KMT2E: variants seen among roughly 807,000 people sequenced by gnomAD.
KMT2E encodes the protein lysine methyltransferase 2E (inactive).
KMT2E carries 30 observed loss-of-function variants against 184.6 expected under a neutral mutation model. That is an observed-to-expected ratio of 0.16 (90% CI 0.12 to 0.22). The LOEUF (loss-of-function observed/expected upper bound fraction) is 0.22. Among genes scored for constraint, KMT2E ranks in the 10% least tolerant of loss-of-function variants. The pLI, the probability that KMT2E is intolerant of heterozygous loss-of-function variation, is 1.00. For missense variants in KMT2E, 2,023 were observed against 2,237.4 expected (o/e 0.90, Z 1.93); for synonymous variants, 815 against 776.5 (o/e 1.05, Z -0.82).
At chr7:105,016,293 A>T (rs1312280099) in intron 1 of KMT2E, among the ~76,000 whole-genome samples, 1 of 152,154 alleles carries the variant, frequency 6.6e-6, no homozygotes, top group African/African-American at 2.4e-5. Context: ...TTCCTTAAGA[A>T]TTTTCAAAGT....
intron 7 of KMT2E, 49 bp from the exon 8 acceptor site, chr7:105,074,594 G>A: frequency 6.1e-6 from 8 of 1,302,448 alleles, no homozygotes; most frequent in Non-Finnish European, 7.2e-6. Flanking sequence ...TTATTTCATT[G>A]TTTAAAATAG....
chr7:105,066,613 G>A (rs552227656), intron 5 of KMT2E, 114 bp from the exon 6 acceptor site: 97 of 730,146 alleles, frequency 1.3e-4, no homozygotes, highest in Admixed American at 4.4e-4. Flanking sequence ...GTACCTTTTA[G>A]GAGTACTAAG....
chr7:105,067,540 T>G (rs1025475725), intron 6 of KMT2E, among the ~76,000 whole-genome samples: 1 of 152,334 alleles, frequency 6.6e-6, no homozygotes, highest in East Asian at 1.9e-4. Flanking sequence ...TATACTGCCA[T>G]GTGTTTCTTC....
chr7:105,097,917 G>C (rs949995260), intron 15 of KMT2E, among the ~76,000 whole-genome samples: 2 of 152,158 alleles, frequency 1.3e-5, no homozygotes, highest in African/African-American at 4.8e-5. Context: ...AAAGGTCACT[G>C]CTCTGGAAAA....
chr7:105,062,700 C>T (rs1796868416), intron 4 of KMT2E, among the ~76,000 whole-genome samples: 1 of 151,594 alleles, frequency 6.6e-6, no homozygotes, highest in Non-Finnish European at 1.5e-5. Flanking sequence ...ATTATTTAAT[C>T]ATTAAAAACA....
In KMT2E at chr7:105,019,161, A is replaced by T. The variant is rs117010949; in HGVS notation, c.-189+4626A>T. On this transcript the variant is annotated intron_variant, in intron 1 of 26. Transcript: ENST00000311117. ...AATCAAATGAAGGTGACCCAGAGTA[A>T]GTTAATTAGATTTTAATTCATATCT... 3.0e-4 allele frequency among the ~76,000 whole-genome samples: 46 copies of T among 152,300 alleles called. No individual in the cohort carries two copies. The East Asian group carries it at 7.9e-3, about 26-fold the overall frequency.
intron 15 of KMT2E, among the ~76,000 whole-genome samples, chr7:105,101,194 A>G (rs1299240537): frequency 6.6e-6 from 1 of 152,136 alleles, no homozygotes; most frequent in Non-Finnish European, 1.5e-5. Context: ...TCAGTCATCC[A>G]AGTGTTTCCT....
Position 105,076,044 on chromosome 7 carries a change from C to G in KMT2E, c.731C>G (p.Ala244Gly). Residue 244 changes from alanine to glycine, a missense_variant and splice_region_variant, in exon 9 of 27, where the codon GCA becomes GGA. Ala to Gly is a moderately conservative substitution (Grantham distance 60). Coordinates refer to ENST00000311117, the MANE Select transcript of KMT2E (RefSeq NM_182931.3). ...KEQHISKCKK[A>G]FREGSRKSSR... ...ACTAGAATTCCATGTTTATTTTAGGCATTTCGTGAAGGATCTAGGAAGTCA... is the reference window on the plus strand; with the variant it reads ...ACTAGAATTCCATGTTTATTTTAGGGATTTCGTGAAGGATCTAGGAAGTCA... The G allele has an allele frequency of 1.3e-6, 2 of 1,594,354 alleles. No individual in the cohort carries two copies. Among genetic ancestry groups the G allele is most frequent in the Non-Finnish European group, 1.7e-6 (2 of 1,162,936 alleles).
At position 105,101,941 on chromosome 7, in the gene KMT2E, C is replaced by A. The variant is rs1365103412; in HGVS notation, c.1943C>A (p.Thr648Asn). The A allele has an allele frequency of 1.5e-5, 25 of 1,613,584 alleles. No individual in the cohort carries two copies. The highest frequency in any genetic ancestry group is 2.1e-5 in the Non-Finnish European group (25 of 1,179,830). The change falls in exon 17 of 27, where the codon ACT becomes AAT. Residue 648 changes from threonine to asparagine, a missense_variant. Around this residue, in one of 8 missense-constraint regions of KMT2E, gnomAD observed 514 missense variants for 621.8 expected, o/e 0.83. Coordinates refer to ENST00000311117, the MANE Select transcript of KMT2E (RefSeq NM_182931.3). ...SKPTPAKVNR[T>N]KQRKSFSRSR... ...CCAACCCCTGCCAAAGTAAATAGAACTAAACAGAGAAAAAGTTTTTCTCGG... is the reference window on the plus strand; with the variant it reads ...CCAACCCCTGCCAAAGTAAATAGAAATAAACAGAGAAAAAGTTTTTCTCGG...
At chr7:105,095,654 C>G (rs901615389) in intron 15 of KMT2E, among the ~76,000 whole-genome samples, 3 of 152,020 alleles carry the variant, frequency 2.0e-5, no homozygotes, top group Non-Finnish European at 2.9e-5. Context: ...CTTAAGAAGT[C>G]GTTACCTGCT....
rs1013337142 is a variant in KMT2E, at chr7:105,081,795, T to C, written c.1356T>C (p.Asn452=). 1 of 1,325,234 alleles carries C rather than the reference T, an allele frequency of 7.5e-7. No individual in the cohort carries two copies. The highest frequency in any genetic ancestry group is 1.1e-6 in the Non-Finnish European group (1 of 931,638). 82.1% of individuals were successfully genotyped at this position (1,325,234 alleles called of 1,614,324 possible). A position where few individuals can be genotyped will look rare whatever the true frequency, so the allele number is the denominator to read the frequency against. The part of the protein sequence containing the change: ...ITIAFDFDYG[N]CKYKVDCACL... ...TTGCCTTTGATTTTGACTATGGAAA[T>C]TGGTGAGTTCAAGTCTATAAATGTA... is the stretch of plus-strand genomic sequence containing the variant. Residue 452 remains asparagine, a splice_region_variant and synonymous_variant, in exon 13 of 27, where the codon AAT becomes AAC. Transcript: ENST00000311117.
At chr7:105,111,386 T>C (rs998205097) in intron 26 of KMT2E, among the ~76,000 whole-genome samples, 4 of 151,738 alleles carry the variant, frequency 2.6e-5, no homozygotes, top group African/African-American at 9.7e-5. Context: ...ACAAGGAAAA[T>C]GAAAAGGTAT....
chr7:105,114,002 TTTTTA>T lies in KMT2E; in HGVS notation c.*675_*679del, dbSNP rs1353532882. 1 of 152,726 alleles carries T rather than the reference TTTTTA, an allele frequency of 6.5e-6. No homozygotes were observed. The highest frequency in any genetic ancestry group is 1.5e-5 in the Non-Finnish European group (1 of 68,112). The allele number at this position is 152,726 out of a possible 1,614,324, so 9.5% of individuals were successfully genotyped here. Reference sequence around the variant, plus strand: ...GTACAGTATATGACCTTTAATTTCTTTTTTATTTTAAATATACTGTCACACTGAAG... The same window carrying T: ...GTACAGTATATGACCTTTAATTTCTTTTTTAAATATACTGTCACACTGAAG... On this transcript the variant is annotated 3_prime_UTR_variant, in exon 27 of 27. Transcript: ENST00000311117.
intron 3 of KMT2E, among the ~76,000 whole-genome samples, chr7:105,047,553 A>G (rs1371369512): frequency 1.3e-5 from 2 of 152,214 alleles, no homozygotes; most frequent in East Asian, 3.8e-4. Context: ...GTGAATTACA[A>G]TTTGTTGAGC....
intron 1 of KMT2E, among the ~76,000 whole-genome samples, chr7:105,016,601 A>G (rs1273170548): frequency 6.6e-6 from 1 of 152,214 alleles, no homozygotes; most frequent in African/African-American, 2.4e-5. Flanking sequence ...TAAAGTGTGA[A>G]AGATTAGAAT....
Position 105,107,182 on chromosome 7 carries a change from A to G in KMT2E, c.2864A>G (p.Glu955Gly), listed in dbSNP as rs771847798. 6 of 1,538,904 alleles carry G rather than the reference A, an allele frequency of 3.9e-6. No individual in the cohort carries two copies. Among genetic ancestry groups the G allele is most frequent in the Non-Finnish European group, 5.3e-6 (6 of 1,130,042 alleles). Residue 955 changes from glutamate (E) to glycine (G), a missense_variant, in exon 21 of 27, where the codon GAA becomes GGA. Coordinates refer to ENST00000311117, the MANE Select transcript of KMT2E (RefSeq NM_182931.3). Reference protein sequence around the residue: ...TMHFENISSPESSPEIKRRTY... With the variant: ...TMHFENISSPGSSPEIKRRTY... ...TATATACAGAATATTTCTTCCCCAG[A>G]AAGTTCTCCAGAAATAAAGAGACGC... is the stretch of plus-strand genomic sequence containing the variant.
At chr7:105,064,146 T>TCCCA (rs1796931529) in intron 5 of KMT2E, 14 of 281,206 alleles carry the variant, frequency 5.0e-5, no homozygotes, top group South Asian at 3.5e-4. Context: ...TGGGGTTTTG[T>TCCCA]ATCATTTTTT....
At position 105,106,632 on chromosome 7, in the gene KMT2E, A is replaced by G; in HGVS notation, c.2707A>G (p.Ile903Val). The G allele has an allele frequency of 1.2e-6, 2 of 1,614,120 alleles. No individual in the cohort carries two copies. The highest frequency in any genetic ancestry group is 1.1e-5 in the South Asian group (1 of 91,084). ...SPYATPTHTD[I>V]TPMDPSFATP... ...GTATGCTACACCAACTCACACCGAT[A>G]TTACTCCTATGGACCCATCTTTTGC... Residue 903 changes from isoleucine to valine, a missense_variant, in exon 20 of 27, where the codon ATT (isoleucine) becomes GTT (valine). Coordinates refer to ENST00000311117, the MANE Select transcript of KMT2E (RefSeq NM_182931.3).
intron 1 of KMT2E, among the ~76,000 whole-genome samples, chr7:105,024,193 A>G (rs945388569): frequency 1.3e-5 from 2 of 152,234 alleles, no homozygotes; most frequent in African/African-American, 4.8e-5. Flanking sequence ...TAAGATAATC[A>G]TATTTCACAA....
Sources: allele counts gnomAD v4.1 joint callset (sites outside exome capture counted in the v4.1 genomes callset), GRCh38; gene constraint gnomAD v4.1.1; regional missense constraint gnomAD v4.1.1; transcripts MANE v1.5; gene names NCBI Gene and HGNC (gene_info 2026-07-23, HGNC 2026-07-21).